The following NEU3 variants were observed in gnomAD, a reference collection of about 807,000 sequenced individuals.
The protein encoded by NEU3 is sialidase-3.
In NEU3, 10 loss-of-function variants were observed where a neutral mutation model predicts 11.4. The ratio of observed to expected loss-of-function variants is 0.88; its 90% CI spans 0.54 to 1.49. The LOEUF (loss-of-function observed/expected upper bound fraction) is 1.49, where lower values mean the gene tolerates loss of function less well. Ranked by LOEUF, NEU3 falls within the 40% of genes most tolerant of loss-of-function variation. The pLI, the probability that NEU3 is intolerant of heterozygous loss-of-function variation, is 0.00. For synonymous variants in NEU3, 212 were observed against 228.2 expected (o/e 0.93, Z 0.64); for missense variants, 529 against 581.8 (o/e 0.91, Z 0.93).
At chr11:74,983,804 T>G (rs1948652297), upstream of NEU3, among the ~76,000 whole-genome samples, 1 of 152,192 alleles carries the variant, frequency 6.6e-6, no homozygotes, top group Admixed American at 6.5e-5. Context: ...GTGCAATCAC[T>G]AATACATCCC....
downstream of NEU3, among the ~76,000 whole-genome samples, chr11:75,014,093 C>T (rs1948971246): frequency 6.6e-6 from 1 of 152,162 alleles, no homozygotes; most frequent in Non-Finnish European, 1.5e-5. Flanking sequence ...GAAATGCATT[C>T]ATTTCTCTCC....
rs1267412080 is a variant in NEU3 at position 75,006,910 on chromosome 11, A to AC, written c.*420dup. On this transcript the variant is annotated 3_prime_UTR_variant, in exon 3 of 3. Transcript: ENST00000294064. ...TGTCAAAATGGAAACCAGGGGACTTACCTTTTCACATGACTTACCCCTCAT... is the reference window on the plus strand; with the variant it reads ...TGTCAAAATGGAAACCAGGGGACTTACCCTTTTCACATGACTTACCCCTCAT... The AC allele has an allele frequency of 1.2e-5, 2 of 160,830 alleles. No individual in the cohort carries two copies. Among genetic ancestry groups the AC allele is most frequent in the African/African-American group, 2.4e-5 (1 of 41,550 alleles). The allele number at this position is 160,830 out of a possible 1,614,324, so 10.0% of individuals were successfully genotyped here. A position where few individuals can be genotyped will look rare whatever the true frequency, so the allele number is the denominator to read the frequency against.
At chr11:74,995,048 T>C in intron 2 of NEU3, 1 of 570,320 alleles carries the variant, frequency 1.8e-6, no homozygotes, top group Non-Finnish European at 3.1e-6. Context: ...AGTCGCTGAC[T>C]CCAGAGACCT....
In NEU3 at chr11:74,988,978, G is replaced by C; in HGVS notation, c.-83G>C. 1 of 1,037,596 alleles carries C rather than the reference G, an allele frequency of 9.6e-7. No homozygotes were observed. Among genetic ancestry groups the C allele is most frequent in the Non-Finnish European group, 1.4e-6 (1 of 700,052 alleles). 64.3% of individuals were successfully genotyped at this position (1,037,596 alleles called of 1,614,324 possible). A position where few individuals can be genotyped will look rare whatever the true frequency, so the allele number is the denominator to read the frequency against. Reference sequence around the variant, plus strand: ...CTCGGGGCTTGTCTCCGTGTCCTCCGTCTCAGTTGTTTCTCCCTCTCTATC... The same window carrying C: ...CTCGGGGCTTGTCTCCGTGTCCTCCCTCTCAGTTGTTTCTCCCTCTCTATC... On this transcript the variant is annotated 5_prime_UTR_variant, in exon 1 of 3. Coordinates refer to ENST00000294064, the MANE Select transcript of NEU3 (RefSeq NM_006656.6).
chr11:75,000,927 GT>G (rs1948837948), intron 2 of NEU3, among the ~76,000 whole-genome samples: 1 of 152,016 alleles, frequency 6.6e-6, no homozygotes, highest in African/African-American at 2.4e-5. Flanking sequence ...ATGAATAAGG[GT>G]GTGAAAATAT....
In NEU3 at chr11:75,005,939, G is replaced by C; in HGVS notation, c.833G>C (p.Arg278Pro). 1 of 1,613,630 alleles carries C rather than the reference G, an allele frequency of 6.2e-7. No homozygotes were observed. Among genetic ancestry groups the C allele is most frequent in the Non-Finnish European group, 8.5e-7 (1 of 1,179,850 alleles). Reference protein sequence around the residue: ...AGHPVLYCSARTPNRCRAEAL... With the variant: ...AGHPVLYCSAPTPNRCRAEAL... ...CACCCTGTGCTATATTGCAGTGCCC[G>C]GACACCAAACAGGTGCCGGGCAGAG... The change falls in exon 3 of 3, where the codon CGG (arginine) becomes CCG (proline). Residue 278 changes from arginine to proline, a missense_variant. Physicochemically the swap from Arg to Pro is moderately radical, Grantham distance 103. Coordinates refer to ENST00000294064, the MANE Select transcript of NEU3 (RefSeq NM_006656.6).
intron 1 of NEU3, among the ~76,000 whole-genome samples, chr11:74,992,416 A>G (rs1434133705): frequency 6.6e-6 from 1 of 152,212 alleles, no homozygotes; most frequent in Non-Finnish European, 1.5e-5. Flanking sequence ...CAGAGGAGGA[A>G]CCTAGAAATA....
At chr11:75,003,618 G>A (rs563548335) in intron 2 of NEU3, among the ~76,000 whole-genome samples, 3 of 152,018 alleles carry the variant, frequency 2.0e-5, no homozygotes, top group Non-Finnish European at 2.9e-5. Context: ...GGCCAGGCTC[G>A]GTGGCTCACG....
In NEU3 at chr11:75,006,397, G is replaced by T; in HGVS notation, c.1291G>T (p.Ala431Ser). Residue 431 changes from alanine (A) to serine (S), a missense_variant, in exon 3 of 3, where the codon GCC (alanine) becomes TCC (serine). By Grantham distance (99) the Ala-to-Ser change is moderately conservative. Coordinates refer to ENST00000294064, the MANE Select transcript of NEU3 (RefSeq NM_006656.6). ...GACCAAGCAAGAGTGTGAGCAGATT[G>T]CCTTCCGCCTGTTTACACACCGGGA... Reference protein sequence around the residue: ...CGTKQECEQIAFRLFTHREIL... With the variant: ...CGTKQECEQISFRLFTHREIL... 1 of 1,613,948 alleles carries T rather than the reference G, an allele frequency of 6.2e-7. No individual in the cohort carries two copies. The highest frequency in any genetic ancestry group is 8.5e-7 in the Non-Finnish European group (1 of 1,179,886).
At chr11:75,017,479 A>G (rs577967986) in intron 3 of NEU3, among the ~76,000 whole-genome samples, 12 of 152,306 alleles carry the variant, frequency 7.9e-5, no homozygotes, top group Non-Finnish European at 1.6e-4. Flanking sequence ...CCAAGAGTGG[A>G]GCTCCCAGCC....
intron 1 of NEU3, among the ~76,000 whole-genome samples, chr11:74,992,449 C>T (rs1416006007): frequency 6.6e-6 from 1 of 152,206 alleles, no homozygotes; most frequent in African/African-American, 2.4e-5. Flanking sequence ...ATTGTTCTTA[C>T]AGCCTGATAA....
upstream of NEU3, chr11:74,988,148 C>T (rs997465): frequency 0.36 from 55,076 of 151,758 alleles, 11,180 homozygotes; most frequent in Non-Finnish European, 0.47. Flanking sequence ...CTTTTATTGG[C>T]GTTTGTAAAA....
Position 75,005,910 on chromosome 11 carries a change from TGGCCACCCTGTGCTATATTGCAGTGCCC to T in NEU3, c.807_834del (p.Pro271GlnfsTer22), listed in dbSNP as rs1485891059. 1 of 1,613,498 alleles carries T rather than the reference TGGCCACCCTGTGCTATATTGCAGTGCCC, an allele frequency of 6.2e-7. No homozygotes were observed. The highest frequency in any genetic ancestry group is 8.5e-7 in the Non-Finnish European group (1 of 1,179,836). On this transcript the variant is annotated frameshift_variant, in exon 3 of 3. Coordinates refer to ENST00000294064, the MANE Select transcript of NEU3 (RefSeq NM_006656.6). LOFTEE classifies it low-confidence loss of function (END_TRUNC). ...AAGTGGCAGAGGTGACTGGGAGGGCTGGCCACCCTGTGCTATATTGCAGTGCCCGGACACCAAACAGGTGCCGGGCAGA... is the reference window on the plus strand; with the variant it reads ...AAGTGGCAGAGGTGACTGGGAGGGCTGGACACCAAACAGGTGCCGGGCAGA...
intron 1 of NEU3, among the ~76,000 whole-genome samples, chr11:74,992,528 T>C (rs1948744088): frequency 1.3e-5 from 2 of 152,236 alleles, no homozygotes; most frequent in African/African-American, 2.4e-5. Flanking sequence ...ATTCTAAGGC[T>C]GCTTTTTGTC....
chr11:75,018,741 GAA>G (rs1565501083), exon 4 of NEU3: 1 of 152,254 alleles, frequency 6.6e-6, no homozygotes, highest in Non-Finnish European at 1.5e-5. Context: ...GGGCATTGCC[GAA>G]AAGATACCCA....
intron 2 of NEU3, chr11:75,004,397 C>T: frequency 1.9e-6 from 1 of 521,990 alleles, no homozygotes; most frequent in Non-Finnish European, 3.4e-6. Context: ...GCCACTGTGC[C>T]TGGCCATTGT....
downstream of NEU3, among the ~76,000 whole-genome samples, chr11:75,015,017 G>T (rs1364984691): frequency 6.6e-6 from 1 of 152,128 alleles, no homozygotes; most frequent in Non-Finnish European, 1.5e-5. Context: ...TTTTCCTACA[G>T]TAATCATACT....
At chr11:74,993,195 T>C (rs772193700) in intron 1 of NEU3, among the ~76,000 whole-genome samples, 17 of 151,876 alleles carry the variant, frequency 1.1e-4, no homozygotes, top group Non-Finnish European at 2.5e-4. Context: ...TTGTTGTCGT[T>C]GTTGGTGTTT....
chr11:75,001,988 A>G (rs1271461522), intron 2 of NEU3, among the ~76,000 whole-genome samples: 1 of 152,226 alleles, frequency 6.6e-6, no homozygotes. Flanking sequence ...TATCCAGAAG[A>G]CTGCGAGGGG....
Sources: gnomAD v4.1 joint callset for allele counts (sites outside exome capture counted in the v4.1 genomes callset) on GRCh38, gnomAD v4.1.1 for gene constraint, MANE v1.5 for transcripts, NCBI Gene and HGNC (gene_info 2026-07-23, HGNC 2026-07-21) for gene names.